The following SPAG17 variants were observed in gnomAD, a reference collection of about 807,000 sequenced individuals.
SPAG17 encodes sperm associated antigen 17.
A neutral mutation model predicts 273.6 loss-of-function variants in SPAG17; 169 were observed. That is an observed-to-expected ratio of 0.62 (90% CI 0.55 to 0.70). SPAG17 has a LOEUF of 0.70. Among genes scored for constraint, SPAG17 ranks in the 30% least tolerant of loss-of-function variants. The probability of loss-of-function intolerance (pLI) is 0.00; values close to 1 mark genes in which losing one functional copy is unlikely to be tolerated. For missense variants in SPAG17, 2,557 were observed against 2,627.8 expected (o/e 0.97, Z 0.59); for synonymous variants, 825 against 873.2 (o/e 0.94, Z 0.97).
chr1:118,025,476 A>G, intron 26 of SPAG17, 60 bp from the exon 27 acceptor site: 3 of 1,152,452 alleles, frequency 2.6e-6, no homozygotes, highest in Non-Finnish European at 2.4e-6. Context: ...GGATTTTATC[A>G]TCTTGCTTAA....
intron 46 of SPAG17, among the ~76,000 whole-genome samples, chr1:117,969,579 AAAATAAAT>A (rs893749892): frequency 2.0e-5 from 3 of 151,926 alleles, no homozygotes; most frequent in African/African-American, 7.2e-5. Context: ...GCTCTGTCTC[AAAATAAAT>A]AAATAAATAA....
intron 3 of SPAG17, among the ~76,000 whole-genome samples, chr1:118,118,556 A>C (rs183947802): frequency 7.0e-4 from 107 of 152,360 alleles, no homozygotes; most frequent in South Asian, 1.4e-3. Context: ...CACGAGTCTT[A>C]ACGGGCAAAT....
chr1:117,955,243 A>G (rs1321883215), intron 48 of SPAG17: 11 of 1,307,586 alleles, frequency 8.4e-6, no homozygotes, highest in African/African-American at 3.0e-5. Flanking sequence ...GTTTTATAGG[A>G]GATAGAAATT....
At chr1:118,183,159 C>A (rs1270789898) in intron 1 of SPAG17, among the ~76,000 whole-genome samples, 1 of 152,108 alleles carries the variant, frequency 6.6e-6, no homozygotes, top group Non-Finnish European at 1.5e-5. Flanking sequence ...TTCTCTCTCA[C>A]CCCCAGCACA....
At chr1:118,124,653 T>G (rs1657603885) in intron 3 of SPAG17, among the ~76,000 whole-genome samples, 1 of 152,222 alleles carries the variant, frequency 6.6e-6, no homozygotes, top group Non-Finnish European at 1.5e-5. Context: ...ACACACCCTG[T>G]GCTGGACAAG....
intron 43 of SPAG17, among the ~76,000 whole-genome samples, chr1:117,976,383 G>A (rs762277888): frequency 4.6e-5 from 7 of 152,188 alleles, no homozygotes; most frequent in Non-Finnish European, 8.8e-5. Context: ...TGCTGAGGAA[G>A]GTGGATTATT....
rs1255735243 is a variant in SPAG17, at chr1:118,042,059, G to T, written c.2815-17C>A. ...TTTCCATGCCTGTAAACACATTTAAGAAATTTAACAGGATTTTTAAACGAA... is the reference window on the plus strand; with the variant it reads ...TTTCCATGCCTGTAAACACATTTAATAAATTTAACAGGATTTTTAAACGAA... On this transcript the variant is annotated splice_polypyrimidine_tract_variant and intron_variant, in intron 20 of 48. Transcript: ENST00000336338. 6.3e-7 allele frequency: 1 copy of T among 1,591,752 alleles called. No individual in the cohort carries two copies. Among genetic ancestry groups the T allele is most frequent in the Admixed American group, 1.9e-5 (1 of 53,234 alleles).
rs750974448 is a variant in SPAG17, at chr1:118,081,607, T to C, written c.1798A>G (p.Lys600Glu). 1.2e-6 allele frequency: 2 copies of C among 1,614,044 alleles called. No individual in the cohort carries two copies. Among genetic ancestry groups the C allele is most frequent in the South Asian group, 1.1e-5 (1 of 91,076 alleles). ...LSWNEVERAF[K>E]VFTFESLKLS... is the part of the protein sequence containing the mutation. ...TTCAGGCTCTCAAAAGTAAACACCT[T>C]GAAGGCTCGTTCTACTTCATTCCAG... The change falls in exon 14 of 49, where the codon AAG (lysine) becomes GAG (glutamate). Residue 600 changes from lysine to glutamate, a missense_variant. Physicochemically the swap from Lys to Glu is moderately conservative, Grantham distance 56. Transcript: ENST00000336338.
intron 29 of SPAG17, among the ~76,000 whole-genome samples, chr1:118,013,115 C>T (rs1659637334): frequency 6.6e-6 from 1 of 152,218 alleles, no homozygotes; most frequent in Admixed American, 6.5e-5. Context: ...GGGACTTCAC[C>T]TCAGTGTTTG....
chr1:117,984,900 A>T, intron 40 of SPAG17, 118 bp from the exon 41 acceptor site: 1 of 647,986 alleles, frequency 1.5e-6, no homozygotes, highest in African/African-American at 1.9e-5. Context: ...AATAAAACTG[A>T]CAAGAATTAA....
At chr1:118,036,099 G>A (rs1331656480) in intron 24 of SPAG17, among the ~76,000 whole-genome samples, 1 of 152,098 alleles carries the variant, frequency 6.6e-6, no homozygotes, top group African/African-American at 2.4e-5. Flanking sequence ...GAGGTGGGAG[G>A]ATTGCTTGAG....
chr1:118,032,944 T>C (rs1648648374), intron 24 of SPAG17, among the ~76,000 whole-genome samples: 1 of 152,298 alleles, frequency 6.6e-6, no homozygotes, highest in Non-Finnish European at 1.5e-5. Flanking sequence ...TCAATCCTCC[T>C]TGCCTGTAAT....
At chr1:118,022,389 T>C (rs1256964755) in intron 28 of SPAG17, among the ~76,000 whole-genome samples, 2 of 151,484 alleles carry the variant, frequency 1.3e-5, no homozygotes, top group Non-Finnish European at 2.9e-5. Flanking sequence ...ATCACAATGG[T>C]AAACCAAGAA....
chr1:118,146,675 T>C (rs1659011014), intron 3 of SPAG17, among the ~76,000 whole-genome samples: 1 of 152,188 alleles, frequency 6.6e-6, no homozygotes, highest in Admixed American at 6.5e-5. Context: ...AAGATCTACC[T>C]ATCCAAGGGG....
chr1:118,121,351 G>A (rs764890065), intron 3 of SPAG17, among the ~76,000 whole-genome samples: 1 of 152,158 alleles, frequency 6.6e-6, no homozygotes, highest in African/African-American at 2.4e-5. Flanking sequence ...GTGTGGGCAT[G>A]TGGTGTGTGA....
Position 118,008,306 on chromosome 1 carries a change from G to GA in SPAG17, c.4433-109dup, listed in dbSNP as rs1382433915. ...TTCCTGGCTGTCTGGATTCCCCATG[G>GA]AAAAAACACAATTGTAAAGTCTAGA... On this transcript the variant is annotated intron_variant, in intron 30 of 48. Coordinates refer to ENST00000336338, the MANE Select transcript of SPAG17 (RefSeq NM_206996.4). 9 of 1,280,982 alleles carry GA rather than the reference G, an allele frequency of 7.0e-6. No individual in the cohort carries two copies. In the South Asian group the frequency reaches 8.3e-5, roughly 12 times the overall value. The allele number at this position is 1,280,982 out of a possible 1,614,324, so 79.4% of individuals were successfully genotyped here.
In SPAG17 at chr1:118,086,144, C is replaced by G. The variant is rs1570666301; in HGVS notation, c.1612-72G>C. 3.7e-6 allele frequency: 5 copies of G among 1,367,628 alleles called. No homozygotes were observed. In the South Asian group the frequency reaches 5.1e-5, roughly 14 times the overall value. 84.7% of individuals were successfully genotyped at this position (1,367,628 alleles called of 1,614,324 possible). On this transcript the variant is annotated intron_variant, in intron 12 of 48. Transcript: ENST00000336338. Reference sequence around the variant, plus strand: ...AAGTGCCTTATGCATATGGAGAAGGCTAAACATGATACCTTCACCCTCATT... The same window carrying G: ...AAGTGCCTTATGCATATGGAGAAGGGTAAACATGATACCTTCACCCTCATT...
chr1:118,106,646 T>C (rs1386485258), intron 4 of SPAG17, among the ~76,000 whole-genome samples: 4 of 152,226 alleles, frequency 2.6e-5, no homozygotes, highest in Admixed American at 6.5e-5. Flanking sequence ...CTTTTACAAC[T>C]GCAATTTTAA....
At chr1:118,082,326 G>A (rs922629741) in intron 13 of SPAG17, among the ~76,000 whole-genome samples, 2 of 152,182 alleles carry the variant, frequency 1.3e-5, no homozygotes, top group Non-Finnish European at 2.9e-5. Context: ...AGAGGAAGGA[G>A]AAGTAGAATT....
Sources: gnomAD v4.1 joint callset for allele counts (sites outside exome capture counted in the v4.1 genomes callset) on GRCh38, gnomAD v4.1.1 for gene constraint, MANE v1.5 for transcripts, NCBI Gene and HGNC (gene_info 2026-07-23, HGNC 2026-07-21) for gene names.